RNF214: variants seen among roughly 807,000 people sequenced by gnomAD.
The protein encoded by RNF214 is ring finger protein 214.
Under a neutral mutation model 75.9 loss-of-function variants are expected in RNF214, and 25 were observed. The ratio of observed to expected loss-of-function variants is 0.33; its 90% CI spans 0.24 to 0.46. The LOEUF (loss-of-function observed/expected upper bound fraction) is 0.46, where lower values mean the gene tolerates loss of function less well. RNF214 is among the 20% of genes least tolerant of loss of function. RNF214 has a pLI of 1.00. For synonymous variants in RNF214, 314 were observed against 308.8 expected (o/e 1.02, Z -0.18); for missense variants, 725 against 857.5 (o/e 0.85, Z 1.93).
chr11:117,251,216 CGG>C (rs2033373522), intron 6 of RNF214, among the ~76,000 whole-genome samples: 1 of 105,692 alleles, frequency 9.5e-6, no homozygotes, highest in African/African-American at 3.9e-5. Flanking sequence ...CCGCACCTCC[CGG>C]ACGGGGCGGC....
chr11:117,274,144 A>C (rs1249220885), intron 6 of RNF214, among the ~76,000 whole-genome samples: 1 of 152,054 alleles, frequency 6.6e-6, no homozygotes, highest in Admixed American at 6.6e-5. Context: ...TTCCCCGATG[A>C]ATTTCATACA....
At chr11:117,264,873 G>C (rs1193708353) in intron 6 of RNF214, among the ~76,000 whole-genome samples, 1 of 151,892 alleles carries the variant, frequency 6.6e-6, no homozygotes, top group Non-Finnish European at 1.5e-5. Flanking sequence ...AGACCAGCCT[G>C]GCCAACATGG....
At chr11:117,271,425 A>G (rs1263391607) in intron 6 of RNF214, among the ~76,000 whole-genome samples, 4 of 152,162 alleles carry the variant, frequency 2.6e-5, no homozygotes, top group Admixed American at 6.5e-5. Context: ...AGCTGGAGCA[A>G]TTGTAGGGCT....
At chr11:117,237,328 G>T (rs915586944) in intron 2 of RNF214, among the ~76,000 whole-genome samples, 9 of 152,202 alleles carry the variant, frequency 5.9e-5, no homozygotes, top group African/African-American at 2.2e-4. Context: ...TGATCCTCCT[G>T]CCTTGACCTC....
Position 117,285,222 on chromosome 11 carries a change from ACT to A in RNF214, c.*74_*75del, listed in dbSNP as rs1449401823. On this transcript the variant is annotated 3_prime_UTR_variant, in exon 15 of 15. Transcript: ENST00000300650. The stretch of plus-strand genomic sequence containing the variant: ...GAAGCGCGGGTTCAAGATTTCTAAA[ACT>A]CTATATTTATACAGTGACATATACT... 2.9e-6 allele frequency: 3 copies of A among 1,031,660 alleles called. No homozygotes were observed. Among genetic ancestry groups the A allele is most frequent in the Non-Finnish European group, 4.6e-6 (3 of 652,648 alleles). 63.9% of individuals were successfully genotyped at this position (1,031,660 alleles called of 1,614,324 possible).
Position 117,234,281 on chromosome 11 carries a change from G to C in RNF214, c.9G>C (p.Ala3=). The C allele has an allele frequency of 1.2e-6, 2 of 1,613,660 alleles. No homozygotes were observed. Among genetic ancestry groups the C allele is most frequent in the Non-Finnish European group, 1.7e-6 (2 of 1,179,510 alleles). The change falls in exon 2 of 15, where the codon GCG becomes GCC. Residue 3 remains alanine (A), a synonymous_variant. Transcript: ENST00000300650. The part of the protein sequence containing the change: MA[A]SEVAGVVANA... ...TGAATGTACAGAGCATAATGGCAGC[G>C]TCTGAGGTTGCTGGTGTTGTGGCCA...
chr11:117,247,849 C>T, intron 6 of RNF214, among the ~76,000 whole-genome samples: 1 of 147,546 alleles, frequency 6.8e-6, no homozygotes, highest in Non-Finnish European at 1.5e-5. Context: ...AGAGTGAGAC[C>T]CTGTCTCAAA....
chr11:117,262,075 C>CTT (rs559137886), intron 6 of RNF214, among the ~76,000 whole-genome samples: 2 of 135,608 alleles, frequency 1.5e-5, no homozygotes, highest in Non-Finnish European at 1.6e-5. Flanking sequence ...TTTGGTTTTT[C>CTT]TTTTTTTTTT....
intron 6 of RNF214, among the ~76,000 whole-genome samples, chr11:117,269,025 A>T (rs1193834783): frequency 6.6e-6 from 1 of 152,196 alleles, no homozygotes; most frequent in South Asian, 2.1e-4. Context: ...ATAACCCAAT[A>T]AAGTCCAGAT....
intron 4 of RNF214, 46 bp downstream of exon 4, chr11:117,239,906 G>A (rs747617993): frequency 9.8e-7 from 1 of 1,021,978 alleles, no homozygotes; most frequent in South Asian, 1.3e-5. Context: ...TTATCAAATA[G>A]AAGATCTAGA....
rs766394447 is a variant in RNF214 at position 117,285,182 on chromosome 11, A to G, written c.*31A>G. ...CTGACTGGGGAGGAAGAAGAAGAGA[A>G]ACTGATGTGAACAGGAAGCGCGGGT... is the stretch of plus-strand genomic sequence containing the variant. On this transcript the variant is annotated 3_prime_UTR_variant, in exon 15 of 15. Coordinates refer to ENST00000300650, the MANE Select transcript of RNF214 (RefSeq NM_207343.4). 1.4e-6 allele frequency: 2 copies of G among 1,458,434 alleles called. No homozygotes were observed. The highest frequency in any genetic ancestry group is 2.3e-5 in the South Asian group (2 of 87,948). 90.3% of individuals were successfully genotyped at this position (1,458,434 alleles called of 1,614,324 possible). A position where few individuals can be genotyped will look rare whatever the true frequency, so the allele number is the denominator to read the frequency against.
At chr11:117,273,032 GA>G (rs2033943672) in intron 6 of RNF214, among the ~76,000 whole-genome samples, 1 of 151,922 alleles carries the variant, frequency 6.6e-6, no homozygotes, top group South Asian at 2.1e-4. Flanking sequence ...TATTTTCTAT[GA>G]AAAATATTTT....
chr11:117,263,284 AACTT>A (rs1284403942), intron 6 of RNF214, among the ~76,000 whole-genome samples: 1 of 146,312 alleles, frequency 6.8e-6, no homozygotes, highest in Non-Finnish European at 1.5e-5. Flanking sequence ...GAGAAAAAAA[AACTT>A]TTTTTTTTTT....
intron 6 of RNF214, 98 bp from the exon 7 acceptor site, chr11:117,279,810 T>C: frequency 1.4e-6 from 1 of 726,324 alleles, no homozygotes; most frequent in South Asian, 1.9e-5. Context: ...TCCTGTAACA[T>C]ACTTGGCTGA....
intron 2 of RNF214, among the ~76,000 whole-genome samples, chr11:117,235,971 T>C (rs1362685922): frequency 6.6e-6 from 1 of 151,980 alleles, no homozygotes; most frequent in East Asian, 1.9e-4. Context: ...CAACTCTGTT[T>C]TTTTTTTGAG....
chr11:117,233,908 G>A (rs1047272884), intron 1 of RNF214, among the ~76,000 whole-genome samples: 3 of 152,184 alleles, frequency 2.0e-5, no homozygotes, highest in Admixed American at 1.3e-4. Context: ...CGAAAAGTAC[G>A]TCTTTTATTA....
At chr11:117,267,767 CA>C (rs1270406059) in intron 6 of RNF214, among the ~76,000 whole-genome samples, 1 of 151,500 alleles carries the variant, frequency 6.6e-6, no homozygotes, top group Non-Finnish European at 1.5e-5. Context: ...TATAAATATA[CA>C]TACATGTTCC....
At chr11:117,269,038 T>G (rs1185987631) in intron 6 of RNF214, among the ~76,000 whole-genome samples, 1 of 152,184 alleles carries the variant, frequency 6.6e-6, no homozygotes, top group East Asian at 1.9e-4. Flanking sequence ...GTCCAGATGC[T>G]TATATACCTA....
In RNF214 at chr11:117,282,088, T is replaced by C. The variant is rs2034138986; in HGVS notation, c.1530T>C (p.Asn510=). Residue 510 remains asparagine (N), a synonymous_variant, in exon 11 of 15, where the codon AAT becomes AAC. Transcript: ENST00000300650. ...SSPLPGSHGR[N]SPGLGSLVSP... The stretch of plus-strand genomic sequence containing the variant: ...CCCTTCCTGGCTCCCATGGCAGAAA[T>C]AGCCCTGGCTTGGGTTCCCTTGTCA... The C allele has an allele frequency of 2.5e-6, 4 of 1,613,968 alleles. No homozygotes were observed. Among genetic ancestry groups the C allele is most frequent in the Non-Finnish European group, 2.5e-6 (3 of 1,179,978 alleles).
Sources: gnomAD v4.1 joint callset for allele counts (sites outside exome capture counted in the v4.1 genomes callset) on GRCh38, gnomAD v4.1.1 for gene constraint, MANE v1.5 for transcripts, NCBI Gene and HGNC (gene_info 2026-07-23, HGNC 2026-07-21) for gene names.